PACRG: variants seen among roughly 807,000 people sequenced by gnomAD.
PACRG encodes the protein parkin coregulated gene protein.
Under a neutral mutation model 29.7 loss-of-function variants are expected in PACRG, and 29 were observed. The observed-to-expected ratio is 0.98, with a 90% confidence interval of 0.73 to 1.33. The LOEUF (loss-of-function observed/expected upper bound fraction) is 1.33, where lower values mean the gene tolerates loss of function less well. PACRG is among the 40% of genes most tolerant of loss of function. The pLI, the probability that PACRG is intolerant of heterozygous loss-of-function variation, is 0.00. For missense variants in PACRG, 279 were observed against 316.2 expected (o/e 0.88, Z 0.89); for synonymous variants, 116 against 118.7 (o/e 0.98, Z 0.15).
At chr6:163,114,173 C>A (rs1815857603) in intron 4 of PACRG, among the ~76,000 whole-genome samples, 1 of 152,056 alleles carries the variant, frequency 6.6e-6, no homozygotes, top group Non-Finnish European at 1.5e-5. Flanking sequence ...TTGCTTGAAC[C>A]CAGGAGGTGG....
intron 1 of PACRG, among the ~76,000 whole-genome samples, chr6:162,746,036 A>C (rs957281878): frequency 7.9e-5 from 12 of 152,142 alleles, no homozygotes; most frequent in African/African-American, 2.7e-4. Flanking sequence ...TAGATTAGAG[A>C]AAGTAATACT....
chr6:163,000,682 A>G (rs1804508335), intron 2 of PACRG, among the ~76,000 whole-genome samples: 1 of 152,304 alleles, frequency 6.6e-6, no homozygotes, highest in East Asian at 1.9e-4. Context: ...GCAGGAACTC[A>G]ACAAATGGAA....
chr6:162,985,715 A>G (rs1802831316), intron 2 of PACRG, among the ~76,000 whole-genome samples: 1 of 152,078 alleles, frequency 6.6e-6, no homozygotes, highest in Non-Finnish European at 1.5e-5. Flanking sequence ...GAGCAATCAG[A>G]CAAGAAAAAG....
At chr6:163,096,225 G>T (rs1814570567) in intron 4 of PACRG, among the ~76,000 whole-genome samples, 3 of 152,164 alleles carry the variant, frequency 2.0e-5, no homozygotes, top group South Asian at 2.1e-4. Flanking sequence ...AGCTCTGGAT[G>T]CTGCCCTGGG....
chr6:162,932,902 T>C (rs557458580), intron 2 of PACRG, among the ~76,000 whole-genome samples: 14 of 152,082 alleles, frequency 9.2e-5, no homozygotes, highest in Admixed American at 5.9e-4. Context: ...TCTAAAAATT[T>C]TGGGTTTAGC....
chr6:162,876,363 C>A (rs149893965), intron 2 of PACRG, among the ~76,000 whole-genome samples: 6 of 152,208 alleles, frequency 3.9e-5, no homozygotes, highest in African/African-American at 1.2e-4. Context: ...GCATCAGCAA[C>A]TGCCAGCAGG....
intron 4 of PACRG, among the ~76,000 whole-genome samples, chr6:163,246,345 G>A (rs1782696327): frequency 6.6e-6 from 1 of 152,016 alleles, no homozygotes; most frequent in Non-Finnish European, 1.5e-5. Flanking sequence ...TCTTCTGCCT[G>A]GACACTCTCG....
chr6:163,200,655 C>A (rs149751412), intron 4 of PACRG, among the ~76,000 whole-genome samples: 1 of 152,004 alleles, frequency 6.6e-6, no homozygotes, highest in Non-Finnish European at 1.5e-5. Flanking sequence ...AACCTTTTAA[C>A]GTTGGAAGTG....
In PACRG at chr6:162,922,355, G is replaced by T. The variant is rs144320182; in HGVS notation, c.291+108074G>T. Among the ~76,000 whole-genome samples, 570 of 150,792 alleles carry T rather than the reference G, an allele frequency of 3.8e-3. 2 individuals are homozygous for T. The highest frequency in any genetic ancestry group is 6.3e-3 in the Non-Finnish European group (428 of 67,794). ...CCCTCCTGCTCATGTCTAGCTGTCT[G>T]TCTACTCTAACACAGTGATCAAACC... On this transcript the variant is annotated intron_variant, in intron 2 of 4. Transcript: ENST00000366888.
chr6:162,847,773 AC>A (rs1346663789), intron 2 of PACRG, among the ~76,000 whole-genome samples: 1 of 152,062 alleles, frequency 6.6e-6, no homozygotes, highest in Non-Finnish European at 1.5e-5. Context: ...AATAACCTGA[AC>A]AAGGAGCTAC....
At chr6:163,140,676 C>T in intron 4 of PACRG, among the ~76,000 whole-genome samples, 1 of 151,906 alleles carries the variant, frequency 6.6e-6, no homozygotes, top group East Asian at 1.9e-4. Flanking sequence ...AAAGGCAGCC[C>T]ACACAATAAA....
intron 4 of PACRG, chr6:163,187,894 A>C (rs1418654421): frequency 6.6e-6 from 1 of 152,292 alleles, no homozygotes; most frequent in African/African-American, 2.4e-5. Context: ...GCTTTCTCCC[A>C]GTCCCCTTTA....
intron 2 of PACRG, among the ~76,000 whole-genome samples, chr6:162,963,379 G>A (rs983006559): frequency 1.3e-5 from 2 of 151,970 alleles, no homozygotes; most frequent in Admixed American, 6.6e-5. Context: ...ATAAGGTGCT[G>A]ATAAAACTCT....
intron 2 of PACRG, among the ~76,000 whole-genome samples, chr6:162,851,863 T>A (rs920094011): frequency 7.9e-5 from 12 of 151,682 alleles, no homozygotes. Flanking sequence ...TGAAATGGTG[T>A]CCATCTACCT....
At chr6:163,132,211 C>T (rs1247235930) in intron 4 of PACRG, among the ~76,000 whole-genome samples, 1 of 152,044 alleles carries the variant, frequency 6.6e-6, no homozygotes, top group Admixed American at 6.5e-5. Context: ...TTTATTTATG[C>T]CACTTACTAG....
chr6:163,207,763 A>G (rs373362375), intron 4 of PACRG, among the ~76,000 whole-genome samples: 15 of 152,340 alleles, frequency 9.8e-5, no homozygotes, highest in South Asian at 6.2e-4. Flanking sequence ...TTAAAATATA[A>G]GACTGTCAGG....
chr6:162,913,898 A>T (rs1464041796), intron 2 of PACRG, among the ~76,000 whole-genome samples: 1 of 152,116 alleles, frequency 6.6e-6, no homozygotes, highest in Non-Finnish European at 1.5e-5. Context: ...GTGTCTGCTC[A>T]AATATTTTGT....
chr6:163,114,023 G>A (rs1815850499), intron 4 of PACRG, among the ~76,000 whole-genome samples: 1 of 152,194 alleles, frequency 6.6e-6, no homozygotes, highest in South Asian at 2.1e-4. Flanking sequence ...GCCGAGGTGG[G>A]CAGATTATTT....
chr6:163,031,887 G>A (rs1480564209), intron 2 of PACRG, among the ~76,000 whole-genome samples: 1 of 152,178 alleles, frequency 6.6e-6, no homozygotes, highest in East Asian at 1.9e-4. Context: ...GGCAAGGTAT[G>A]AGGCCAGTTT....
Sources: allele counts gnomAD v4.1 joint callset (sites outside exome capture counted in the v4.1 genomes callset), GRCh38; gene constraint gnomAD v4.1.1; transcripts MANE v1.5; gene names NCBI Gene and HGNC (gene_info 2026-07-23, HGNC 2026-07-21).